PTPRN2: variants seen among roughly 807,000 people sequenced by gnomAD.
PTPRN2 encodes protein tyrosine phosphatase receptor type N2, also known as receptor-type tyrosine-protein phosphatase N2.
A neutral mutation model predicts 118.8 loss-of-function variants in PTPRN2; 74 were observed. That is an observed-to-expected ratio of 0.62 (90% CI 0.52 to 0.76). PTPRN2 has a LOEUF of 0.76. Among genes scored for constraint, PTPRN2 ranks in the 30% least tolerant of loss-of-function variants. PTPRN2 has a pLI of 0.00. For missense variants in PTPRN2, 1,481 were observed against 1,394.4 expected, an observed-to-expected ratio of 1.06 and a Z score of -0.99; for synonymous variants, 641 against 608.0, an observed-to-expected ratio of 1.05 and a Z score of -0.80.
chr7:157,788,412 A>G (rs761599553), intron 12 of PTPRN2, among the ~76,000 whole-genome samples: 11 of 151,078 alleles, frequency 7.3e-5, no homozygotes, highest in Non-Finnish European at 1.6e-4. Context: ...GGAAGCTTTC[A>G]GCCTCCTTGG....
At chr7:158,521,276 T>A (rs1356538072) in intron 1 of PTPRN2, among the ~76,000 whole-genome samples, 1 of 152,234 alleles carries the variant, frequency 6.6e-6, no homozygotes, top group Non-Finnish European at 1.5e-5. Flanking sequence ...CAAAGGGACC[T>A]GAGAAAACAT....
intron 5 of PTPRN2, among the ~76,000 whole-genome samples, chr7:158,172,040 C>T (rs1391211709): frequency 2.6e-5 from 4 of 152,174 alleles, no homozygotes; most frequent in Non-Finnish European, 5.9e-5. Context: ...CTGCCAAAGT[C>T]TGATGATGTT....
At chr7:158,189,204 C>G (rs935019112) in intron 5 of PTPRN2, among the ~76,000 whole-genome samples, 1 of 152,236 alleles carries the variant, frequency 6.6e-6, no homozygotes, top group Non-Finnish European at 1.5e-5. Flanking sequence ...GCCGACCTCA[C>G]GTCTGGCTGC....
At position 157,558,009 on chromosome 7, in the gene PTPRN2, T is replaced by C. The variant is rs1452942298; in HGVS notation, c.2903-8990A>G. 2.7e-5 allele frequency among the ~76,000 whole-genome samples: 4 copies of C among 149,836 alleles called. No homozygotes were observed. In the Admixed American group the frequency reaches 2.7e-4, roughly 10 times the overall value. ...CGACTGCTGGACCATCCCATAATAC[T>C]GTTGAGGTGCTGGCAGCATCAACGC... On this transcript the variant is annotated intron_variant, in intron 21 of 22. Transcript: ENST00000389418.
chr7:158,140,954 C>T (rs533062829), intron 6 of PTPRN2, among the ~76,000 whole-genome samples: 7 of 152,312 alleles, frequency 4.6e-5, no homozygotes, highest in African/African-American at 9.6e-5. Flanking sequence ...CTCATGGCCA[C>T]GTCTCTACCT....
Position 157,808,811 on chromosome 7 carries a change from G to T in PTPRN2, c.1788+89862C>A, listed in dbSNP as rs2151111357. On this transcript the variant is annotated intron_variant, in intron 12 of 22. Transcript: ENST00000389418. This position sits in a 1 kb window ranked among gnomAD's most constrained non-coding sequence, Gnocchi z 5.0. Reference sequence around the variant, plus strand: ...GCTGTCCTGGACAAACCCTGGGCCTGGAATTGACCTTGTTGAAAACACTCT... The same window carrying T: ...GCTGTCCTGGACAAACCCTGGGCCTTGAATTGACCTTGTTGAAAACACTCT... 6.6e-6 allele frequency among the ~76,000 whole-genome samples: 1 copy of T among 152,272 alleles called. No homozygotes were observed. Among genetic ancestry groups the T allele is most frequent in the Non-Finnish European group, 1.5e-5 (1 of 68,026 alleles).
intron 3 of PTPRN2, among the ~76,000 whole-genome samples, chr7:158,270,779 GACCACCCCTCCACCT>G (rs1563067159): frequency 0.011 from 1,234 of 117,334 alleles, 112 homozygotes; most frequent in South Asian, 0.013. Flanking sequence ...CGTCCACCTG[GACCACCCCTCCACCT>G]GGACCACCCC....
chr7:157,772,647 G>A (rs985251350), intron 12 of PTPRN2, among the ~76,000 whole-genome samples: 2 of 152,220 alleles, frequency 1.3e-5, no homozygotes, highest in African/African-American at 4.8e-5. Context: ...GGTGGAGCTG[G>A]CACCCAGGGC....
intron 2 of PTPRN2, among the ~76,000 whole-genome samples, chr7:158,379,868 T>C (rs1810829894): frequency 6.6e-6 from 1 of 152,106 alleles, no homozygotes; most frequent in Non-Finnish European, 1.5e-5. Flanking sequence ...TGGGGGGGCC[T>C]CACAATCATG....
chr7:158,246,712 G>A (rs1429209036), intron 3 of PTPRN2, among the ~76,000 whole-genome samples: 4 of 152,006 alleles, frequency 2.6e-5, no homozygotes, highest in Admixed American at 6.6e-5. Context: ...AGGCAAGGCC[G>A]ACCAATGTGT....
At chr7:157,650,980 G>A (rs536284193) in intron 14 of PTPRN2, among the ~76,000 whole-genome samples, 20 of 152,358 alleles carry the variant, frequency 1.3e-4, no homozygotes, top group African/African-American at 4.3e-4. Flanking sequence ...CAGGAGGGCC[G>A]AAGTTCAGAG....
In PTPRN2 at chr7:158,340,923, C is replaced by A. The variant is rs1283731773; in HGVS notation, c.164-23991G>T. Among the ~76,000 whole-genome samples, 40 of 84,632 alleles carry A rather than the reference C, an allele frequency of 4.7e-4. 4 individuals carry two copies. Among genetic ancestry groups the A allele is most frequent in the African/African-American group, 1.5e-3 (35 of 23,598 alleles). 55.5% of individuals were successfully genotyped at this position (84,632 alleles called of 152,430 possible). ...ACCCGAAGTCAGTCACACCCACACACGTCAATCACACTCACACTCTCACCA... is the reference window on the plus strand; with the variant it reads ...ACCCGAAGTCAGTCACACCCACACAAGTCAATCACACTCACACTCTCACCA... On this transcript the variant is annotated intron_variant, in intron 2 of 22. Transcript: ENST00000389418.
In PTPRN2 at chr7:157,889,625, T is replaced by G. The variant is rs78778786; in HGVS notation, c.1788+9048A>C. Among the ~76,000 whole-genome samples, 611 of 152,348 alleles carry G rather than the reference T, an allele frequency of 4.0e-3. 3 individuals are homozygous for G. Among genetic ancestry groups the G allele is most frequent in the African/African-American group, 0.014 (582 of 41,576 alleles). On this transcript the variant is annotated intron_variant, in intron 12 of 22. Transcript: ENST00000389418. ...TGGGATGCATTTTGCAAACATTAGC[T>G]GACCATGCATGCCCGTGTCTCCCCT...
chr7:158,307,412 G>A (rs908134296), intron 3 of PTPRN2, among the ~76,000 whole-genome samples: 1 of 151,788 alleles, frequency 6.6e-6, no homozygotes, highest in African/African-American at 2.4e-5. Context: ...GAAAAAAAAA[G>A]AATAATAAAA....
intron 12 of PTPRN2, among the ~76,000 whole-genome samples, chr7:157,889,141 A>G (rs1052095145): frequency 6.6e-6 from 1 of 152,180 alleles, no homozygotes; most frequent in South Asian, 2.1e-4. Flanking sequence ...CAAAGCCCCA[A>G]CTGACGGAAT....
chr7:158,314,496 G>C (rs1007889533), intron 3 of PTPRN2, among the ~76,000 whole-genome samples: 1 of 152,254 alleles, frequency 6.6e-6, no homozygotes, highest in African/African-American at 2.4e-5. Flanking sequence ...TACGTGCCCT[G>C]CCAAGCCTGG....
intron 2 of PTPRN2, among the ~76,000 whole-genome samples, chr7:158,341,195 G>C (rs1432332306): frequency 6.8e-6 from 1 of 147,802 alleles, no homozygotes; most frequent in African/African-American, 2.6e-5. Context: ...CTCACCATAA[G>C]AGGTAACACC....
intron 12 of PTPRN2, among the ~76,000 whole-genome samples, chr7:157,895,051 T>TCC (rs1554484928): frequency 1.3e-5 from 2 of 149,832 alleles, no homozygotes; most frequent in African/African-American, 2.4e-5. Flanking sequence ...AGAGGACCCC[T>TCC]CCCCCACAGG....
intron 12 of PTPRN2, among the ~76,000 whole-genome samples, chr7:157,825,376 G>C (rs1165228777): frequency 1.3e-5 from 2 of 152,136 alleles, no homozygotes; most frequent in African/African-American, 4.8e-5. Context: ...CCTTGTTTCT[G>C]GGACCTCAGA....
Sources: allele counts gnomAD v4.1 joint callset (sites outside exome capture counted in the v4.1 genomes callset), GRCh38; gene constraint gnomAD v4.1.1; non-coding constraint Gnocchi (gnomAD v3.1); transcripts MANE v1.5; gene names NCBI Gene and HGNC (gene_info 2026-07-23, HGNC 2026-07-21).